The following SGCE variants were observed in gnomAD, a reference collection of about 807,000 sequenced individuals.
SGCE encodes the protein sarcoglycan epsilon, also known as epsilon-sarcoglycan.
SGCE carries 26 observed loss-of-function variants against 57.8 expected under a neutral mutation model. The ratio of observed to expected loss-of-function variants is 0.45; its 90% CI spans 0.33 to 0.62. The LOEUF (loss-of-function observed/expected upper bound fraction) is 0.62. Ranked by LOEUF, SGCE falls within the 20% of genes least tolerant of loss-of-function variation. The probability of loss-of-function intolerance (pLI) is 0.02; values close to 1 mark genes in which losing one functional copy is unlikely to be tolerated. For synonymous variants in SGCE, 183 were observed against 189.5 expected (o/e 0.97, Z 0.28); for missense variants, 468 against 548.6 (o/e 0.85, Z 1.47).
rs143058440 is a variant in SGCE at position 94,629,428 on chromosome 7, A to C, written c.232+291T>G. The stretch of plus-strand genomic sequence containing the variant: ...CTAGGTCTTAATATAGAAAATCATA[A>C]GTTTACAGCTATAATTATTTCCATG... On this transcript the variant is annotated intron_variant, in intron 2 of 10. Coordinates refer to ENST00000648936, the MANE Select transcript of SGCE (RefSeq NM_003919.3). 3.1e-3 allele frequency: 930 copies of C among 299,346 alleles called. 11 individuals carry two copies. The highest frequency in any genetic ancestry group is 0.019 in the African/African-American group (872 of 45,184). The allele number at this position is 299,346 out of a possible 1,614,324, so 18.5% of individuals were successfully genotyped here. A position where few individuals can be genotyped will look rare whatever the true frequency, so the allele number is the denominator to read the frequency against.
At chr7:94,609,543 C>G (rs1403840650) in intron 5 of SGCE, among the ~76,000 whole-genome samples, 2 of 152,128 alleles carry the variant, frequency 1.3e-5, no homozygotes, top group African/African-American at 4.8e-5. Flanking sequence ...AAAACAACAA[C>G]AACAAAAAGC....
chr7:94,590,718 G>A (rs1434484685), intron 9 of SGCE: 1 of 152,158 alleles, frequency 6.6e-6, no homozygotes, highest in Non-Finnish European at 1.5e-5. Context: ...GGTTGCCTGG[G>A]TTGAAACAAG....
chr7:94,656,048 TC>T lies in SGCE; in HGVS notation c.50del (p.Gly17AspfsTer9). 6.2e-7 allele frequency: 1 copy of T among 1,613,594 alleles called. No homozygotes were observed. The highest frequency in any genetic ancestry group is 8.5e-7 in the Non-Finnish European group (1 of 1,179,672). ...TCATCCTGCGTGTCCCCCGACCCTG[TC>T]CCGTCCAAGCACAGGGGTCTCCCAG... ...WELGDPCAWT[G>X]QGRGTRRMSP... On this transcript the variant is annotated frameshift_variant, in exon 1 of 11. Transcript: ENST00000648936. LOFTEE classifies it high-confidence loss of function.
In SGCE at chr7:94,601,463, A is replaced by C. The variant is rs1380205655; in HGVS notation, c.826-606T>G. The stretch of plus-strand genomic sequence containing the variant: ...AGTATCAAAAAAAAAAAAAAAAAAA[A>C]AAAAAAAAAAAAACTACAACAGTTG... On this transcript the variant is annotated intron_variant, in intron 6 of 10. Coordinates refer to ENST00000648936, the MANE Select transcript of SGCE (RefSeq NM_003919.3). 8.6e-5 allele frequency among the ~76,000 whole-genome samples: 6 copies of C among 70,002 alleles called. No homozygotes were observed. In the Admixed American group the frequency reaches 8.7e-4, roughly 10 times the overall value. 45.9% of individuals were successfully genotyped at this position (70,002 alleles called of 152,430 possible).
chr7:94,585,671 T>A (rs1308504955), intron 10 of SGCE, among the ~76,000 whole-genome samples, 156 bp from the exon 11 acceptor site: 4 of 152,142 alleles, frequency 2.6e-5, no homozygotes, highest in Non-Finnish European at 4.4e-5. Flanking sequence ...TTGGTTTTTT[T>A]AAAAAACAGA....
chr7:94,599,805 A>G, intron 7 of SGCE, 82 bp from the exon 8 acceptor site: 2 of 1,013,106 alleles, frequency 2.0e-6, no homozygotes, highest in Middle Eastern at 2.0e-4. Context: ...GGGATCTTGC[A>G]TGATGTGGAA....
In SGCE at chr7:94,629,733, G is replaced by A. The variant is rs758030589; in HGVS notation, c.218C>T (p.Pro73Leu). Reference protein sequence around the residue: ...EREYFKGEFPPYPKPGEISND... With the variant: ...EREYFKGEFPLYPKPGEISND... ...AAAGAACATACCAGGTTTTGGGTAA[G>A]GTGGAAATTCCCCCTTAAAATATTC... The change falls in exon 2 of 11, where the codon CCT becomes CTT. Residue 73 changes from proline (P) to leucine (L), a missense_variant. Coordinates refer to ENST00000648936, the MANE Select transcript of SGCE (RefSeq NM_003919.3). The A allele has an allele frequency of 1.9e-6, 3 of 1,611,040 alleles. No homozygotes were observed. The highest frequency in any genetic ancestry group is 2.2e-5 in the South Asian group (2 of 91,010).
intron 5 of SGCE, among the ~76,000 whole-genome samples, chr7:94,605,598 T>C (rs1799994797): frequency 6.6e-6 from 1 of 152,136 alleles, no homozygotes; most frequent in African/African-American, 2.4e-5. Flanking sequence ...TGTAGTGTTA[T>C]TTGAAAGTGA....
chr7:94,652,474 TCTTCACTA>T (rs938436923), intron 1 of SGCE, among the ~76,000 whole-genome samples: 5 of 152,228 alleles, frequency 3.3e-5, no homozygotes, highest in African/African-American at 1.2e-4. Flanking sequence ...AGTCAGGATT[TCTTCACTA>T]CTTCAATATT....
At chr7:94,632,460 C>T (rs765187187) in intron 1 of SGCE, among the ~76,000 whole-genome samples, 12 of 152,108 alleles carry the variant, frequency 7.9e-5, no homozygotes, top group Non-Finnish European at 1.8e-4. Context: ...ACTCAATTGC[C>T]TTTCAGCAAT....
At chr7:94,600,508 A>C (rs1584530686) in intron 7 of SGCE, 138 bp downstream of exon 7, 2 of 657,878 alleles carry the variant, frequency 3.0e-6, no homozygotes, top group Non-Finnish European at 5.4e-6. Context: ...AAAGGAATAA[A>C]GTATTGCAGT....
At chr7:94,644,675 G>A in intron 1 of SGCE, 1 of 1,277,752 alleles carries the variant, frequency 7.8e-7, no homozygotes, top group South Asian at 1.2e-5. Flanking sequence ...CCACTGTAAG[G>A]GGGATGAAAG....
intron 6 of SGCE, among the ~76,000 whole-genome samples, chr7:94,602,810 T>C (rs1212801885): frequency 6.6e-6 from 1 of 152,318 alleles, no homozygotes; most frequent in East Asian, 1.9e-4. Flanking sequence ...GATTCTAACT[T>C]TCTTCACTTG....
intron 2 of SGCE, 67 bp from the exon 3 acceptor site, chr7:94,628,426 A>G: frequency 2.2e-6 from 3 of 1,350,884 alleles, no homozygotes; most frequent in Non-Finnish European, 3.1e-6. Flanking sequence ...TGGTAGTTTC[A>G]ATCAAAACAT....
chr7:94,597,962 G>A (rs910979570), intron 9 of SGCE: 19 of 163,528 alleles, frequency 1.2e-4, no homozygotes, highest in African/African-American at 4.3e-4. Flanking sequence ...AGCCAAGATC[G>A]CTCCATTGCA....
At chr7:94,647,068 T>C (rs59514083) in intron 1 of SGCE, among the ~76,000 whole-genome samples, 146 of 152,332 alleles carry the variant, frequency 9.6e-4, no homozygotes, top group African/African-American at 3.4e-3. Context: ...ATTTTTTCAC[T>C]TAGAATATAT....
At chr7:94,617,772 T>G (rs1802147917) in intron 5 of SGCE, 1 of 119,958 alleles carries the variant, frequency 8.3e-6, no homozygotes, top group Non-Finnish European at 1.7e-5. Flanking sequence ...CAGCTCACTG[T>G]TTTTCCCCAT....
At position 94,585,159 on chromosome 7, in the gene SGCE, T is replaced by C. The variant is rs763597799; in HGVS notation, c.*340A>G. Reference sequence around the variant, plus strand: ...GAGAATGAACACATAAACCTGTTTCTAGCGATTAAAAGATTTCTACTAAAT... The same window carrying C: ...GAGAATGAACACATAAACCTGTTTCCAGCGATTAAAAGATTTCTACTAAAT... On this transcript the variant is annotated 3_prime_UTR_variant, in exon 11 of 11. Coordinates refer to ENST00000648936, the MANE Select transcript of SGCE (RefSeq NM_003919.3). 3.7e-5 allele frequency: 9 copies of C among 244,318 alleles called. No individual in the cohort carries two copies. Among genetic ancestry groups the C allele is most frequent in the Admixed American group, 2.0e-4 (4 of 20,176 alleles). The allele number at this position is 244,318 out of a possible 1,614,324, so 15.1% of individuals were successfully genotyped here.
chr7:94,655,208 C>A (rs1808440690), intron 1 of SGCE, among the ~76,000 whole-genome samples: 1 of 152,172 alleles, frequency 6.6e-6, no homozygotes, highest in South Asian at 2.1e-4. Flanking sequence ...GTGTAAACCT[C>A]GTAATCGCCA....
Sources: allele counts gnomAD v4.1 joint callset (sites outside exome capture counted in the v4.1 genomes callset), GRCh38; gene constraint gnomAD v4.1.1; transcripts MANE v1.5; gene names NCBI Gene and HGNC (gene_info 2026-07-23, HGNC 2026-07-21).